DNER: variants seen among roughly 807,000 people sequenced by gnomAD.
The protein encoded by DNER is delta/notch like EGF repeat containing, also known as delta and Notch-like epidermal growth factor-related receptor.
In DNER, 33 loss-of-function variants were observed where a neutral mutation model predicts 78.2. The ratio of observed to expected loss-of-function variants is 0.42; its 90% CI spans 0.32 to 0.56. The LOEUF (loss-of-function observed/expected upper bound fraction) is 0.56, where lower values mean the gene tolerates loss of function less well. Among genes scored for constraint, DNER ranks in the 20% least tolerant of loss-of-function variants. The pLI is 0.11. For missense variants in DNER, 918 were observed against 975.3 expected, an observed-to-expected ratio of 0.94 and a Z score of 0.78; for synonymous variants, 417 against 384.8, an observed-to-expected ratio of 1.08 and a Z score of -0.98.
At chr2:229,635,368 A>AG (rs1467611059) in intron 1 of DNER, among the ~76,000 whole-genome samples, 2 of 131,066 alleles carry the variant, frequency 1.5e-5, no homozygotes, top group Non-Finnish European at 3.8e-5. Flanking sequence ...CAGGAAAAAA[A>AG]AAAAAAAAAA....
At chr2:229,520,895 ACATAATAGAG>A (rs993153575) in intron 5 of DNER, among the ~76,000 whole-genome samples, 9 of 152,226 alleles carry the variant, frequency 5.9e-5, no homozygotes, top group African/African-American at 2.2e-4. Context: ...AACATAAATC[ACATAATAGAG>A]CATATTTCCC....
At chr2:229,556,597 C>A (rs1292505554) in intron 4 of DNER, among the ~76,000 whole-genome samples, 1 of 152,162 alleles carries the variant, frequency 6.6e-6, no homozygotes, top group African/African-American at 2.4e-5. Context: ...ATATTTTACT[C>A]ATCTATTTTT....
At chr2:229,533,386 A>T (rs1036714886) in intron 5 of DNER, among the ~76,000 whole-genome samples, 1 of 152,144 alleles carries the variant, frequency 6.6e-6, no homozygotes, top group Non-Finnish European at 1.5e-5. Flanking sequence ...AGTAAGAGAA[A>T]CTGCTGATAC....
At chr2:229,665,138 A>C (rs1211123509) in intron 1 of DNER, among the ~76,000 whole-genome samples, 3 of 152,240 alleles carry the variant, frequency 2.0e-5, no homozygotes, top group African/African-American at 7.2e-5. Context: ...GAGAATGCCC[A>C]CCTAGATCAG....
chr2:229,612,999 T>C (rs1171294416), intron 1 of DNER, among the ~76,000 whole-genome samples: 1 of 152,218 alleles, frequency 6.6e-6, no homozygotes, highest in Non-Finnish European at 1.5e-5. Flanking sequence ...CAATAGCTTA[T>C]CTCTAGTTAA....
At chr2:229,458,828 C>G in intron 7 of DNER, among the ~76,000 whole-genome samples, 1 of 151,706 alleles carries the variant, frequency 6.6e-6, no homozygotes, top group East Asian at 1.9e-4. Flanking sequence ...GAAAATAAGA[C>G]TTATTATTCA....
intron 4 of DNER, among the ~76,000 whole-genome samples, chr2:229,579,687 G>C (rs1319519079): frequency 2.0e-5 from 3 of 152,034 alleles, no homozygotes; most frequent in Non-Finnish European, 2.9e-5. Flanking sequence ...TGACCCCTAT[G>C]ACTACCTCAA....
Position 229,484,419 on chromosome 2 carries a change from T to C in DNER, c.1148-7166A>G, listed in dbSNP as rs183965542. Among the ~76,000 whole-genome samples, 19 of 152,304 alleles carry C rather than the reference T, an allele frequency of 1.2e-4. No homozygotes were observed. In the East Asian group the frequency reaches 3.7e-3, roughly 29 times the overall value. Reference sequence around the variant, plus strand: ...TCCTTTCTAGGCAGACTGAGATCAGTAGAGCATCATGCTACCCCTCTTCTG... The same window carrying C: ...TCCTTTCTAGGCAGACTGAGATCAGCAGAGCATCATGCTACCCCTCTTCTG... On this transcript the variant is annotated intron_variant, in intron 6 of 12. Transcript: ENST00000341772.
chr2:229,389,656 C>T (rs766754114), intron 10 of DNER, among the ~76,000 whole-genome samples: 1 of 152,170 alleles, frequency 6.6e-6, no homozygotes, highest in African/African-American at 2.4e-5. Flanking sequence ...AATTGCTTTT[C>T]TATCTGCTAT....
chr2:229,439,526 G>A (rs907270080), intron 8 of DNER, among the ~76,000 whole-genome samples: 5 of 152,194 alleles, frequency 3.3e-5, no homozygotes, highest in African/African-American at 7.2e-5. Flanking sequence ...TCTTCTCAAC[G>A]CTAAGCTCAG....
At chr2:229,628,203 G>A (rs754946701) in intron 1 of DNER, among the ~76,000 whole-genome samples, 11 of 152,166 alleles carry the variant, frequency 7.2e-5, no homozygotes, top group African/African-American at 1.9e-4. Context: ...ATGAGACACC[G>A]AGGTGAGCGG....
At chr2:229,424,468 C>CTTA (rs1693832270) in intron 8 of DNER, among the ~76,000 whole-genome samples, 1 of 152,144 alleles carries the variant, frequency 6.6e-6, no homozygotes, top group Non-Finnish European at 1.5e-5. Context: ...TAAACAAAAA[C>CTTA]TTATTTTCCC....
rs1696827760 is a variant in DNER, at chr2:229,554,932, G to GAGAAA, written c.848-7841_848-7840insTTTCT. 2.7e-3 allele frequency among the ~76,000 whole-genome samples: 104 copies of GAGAAA among 39,032 alleles called. 3 individuals are homozygous for GAGAAA. Among genetic ancestry groups the GAGAAA allele is most frequent in the Non-Finnish European group, 4.2e-3 (81 of 19,502 alleles). The allele number at this position is 39,032 out of a possible 152,430, so 25.6% of individuals were successfully genotyped here. ...GAAGAGAAGAGAAGAGAAGAGAAGA[G>GAGAAA]AAGAGAGAAAAGGGAAGGGAAGGGA... On this transcript the variant is annotated intron_variant, in intron 4 of 12. Transcript: ENST00000341772.
chr2:229,575,480 G>A (rs972505205), intron 4 of DNER, among the ~76,000 whole-genome samples: 5 of 152,134 alleles, frequency 3.3e-5, no homozygotes, highest in Non-Finnish European at 2.9e-5. Context: ...ATAACTTTTA[G>A]TGCTCAAAGA....
intron 1 of DNER, among the ~76,000 whole-genome samples, chr2:229,606,903 C>A (rs1697951951): frequency 6.6e-6 from 1 of 152,112 alleles, no homozygotes; most frequent in South Asian, 2.1e-4. Flanking sequence ...TCAAACACCA[C>A]CACCACCAAC....
rs958135170 is a variant in DNER at position 229,714,221 on chromosome 2, T to C, written c.203A>G (p.Gln68Arg). 1.6e-5 allele frequency: 22 copies of C among 1,396,254 alleles called. No individual in the cohort carries two copies. In the African/African-American group the frequency reaches 2.9e-4, roughly 18 times the overall value. The allele number at this position is 1,396,254 out of a possible 1,614,324, so 86.5% of individuals were successfully genotyped here. A position where few individuals can be genotyped will look rare whatever the true frequency, so the allele number is the denominator to read the frequency against. Residue 68 changes from glutamine (Q) to arginine (R), a missense_variant, in exon 1 of 13, where the codon CAG (glutamine) becomes CGG (arginine). Transcript: ENST00000341772. The part of the protein sequence containing the change: ...VCTSRPEPDP[Q>R]HPAPAGEPGY... ...AGGCTCGCCGGCGGGGGCCGGGTGC[T>C]GCGGGTCCGGCTCAGGGCGCGAGGT... is the stretch of plus-strand genomic sequence containing the variant.
intron 4 of DNER, among the ~76,000 whole-genome samples, chr2:229,576,833 C>T (rs1697312320): frequency 6.6e-6 from 1 of 152,068 alleles, no homozygotes. Context: ...ACCTGCAGAG[C>T]TGAGTTAGGT....
intron 5 of DNER, among the ~76,000 whole-genome samples, chr2:229,525,404 G>A (rs1308559263): frequency 6.6e-6 from 1 of 152,172 alleles, no homozygotes; most frequent in African/African-American, 2.4e-5. Context: ...CTAATGGGAA[G>A]TGAATGCCAG....
rs1200764320 is a variant in DNER at position 229,709,002 on chromosome 2, TA to T, written c.276+5145del. ...TTTCAGAATAAAAAGTACACATTTATAAAAAGTTTAATACAATTAAATTTTC... is the reference window on the plus strand; with the variant it reads ...TTTCAGAATAAAAAGTACACATTTATAAAAGTTTAATACAATTAAATTTTC... On this transcript the variant is annotated intron_variant, in intron 1 of 12. Coordinates refer to ENST00000341772, the MANE Select transcript of DNER (RefSeq NM_139072.4). Among the ~76,000 whole-genome samples the T allele has an allele frequency of 1.1e-4, 16 of 152,218 alleles. 1 individual carries two copies. The highest frequency in any genetic ancestry group is 7.9e-4 in the Admixed American group (12 of 15,286).
Sources: gnomAD v4.1 joint callset for allele counts (sites outside exome capture counted in the v4.1 genomes callset) on GRCh38, gnomAD v4.1.1 for gene constraint, MANE v1.5 for transcripts, NCBI Gene and HGNC (gene_info 2026-07-23, HGNC 2026-07-21) for gene names.